The following PDZD2 variants were observed in gnomAD, a reference collection of about 807,000 sequenced individuals.
PDZD2 encodes the protein PDZ domain containing 2.
A neutral mutation model predicts 220.7 loss-of-function variants in PDZD2; 90 were observed. The observed-to-expected ratio is 0.41, with a 90% CI of 0.34 to 0.49. The LOEUF (loss-of-function observed/expected upper bound fraction) is 0.49, where lower values mean the gene tolerates loss of function less well. PDZD2 is among the 20% of genes least tolerant of loss of function. The pLI, the probability that PDZD2 is intolerant of heterozygous loss-of-function variation, is 0.28. For synonymous variants in PDZD2, 1,375 were observed against 1,450.5 expected (o/e 0.95, Z 1.18); for missense variants, 3,174 against 3,608.5 (o/e 0.88, Z 3.08).
Position 31,756,473 on chromosome 5 carries a change from T to A in PDZD2, c.-360-42416T>A, listed in dbSNP as rs1388145301. 1.3e-5 allele frequency among the ~76,000 whole-genome samples: 2 copies of A among 152,198 alleles called. 1 individual carries two copies. The highest frequency in any genetic ancestry group is 2.9e-5 in the Non-Finnish European group (2 of 68,026). ...TGGCAAGACCTCCTAGCAGCACTCA[T>A]CAGCCATGTCCTTGGGCCCACAAGA... On this transcript the variant is annotated intron_variant, in intron 1 of 24. Transcript: ENST00000438447.
intron 5 of PDZD2, among the ~76,000 whole-genome samples, chr5:32,006,908 T>TC (rs1752862216): frequency 3.0e-4 from 3 of 9,932 alleles, no homozygotes; most frequent in African/African-American, 7.1e-4. Context: ...CATGCTGGTC[T>TC]TTTTTTTTTT....
Position 32,087,313 on chromosome 5 carries a change from A to G in PDZD2, c.3865A>G (p.Ser1289Gly). The G allele has an allele frequency of 6.2e-7, 1 of 1,614,142 alleles. No homozygotes were observed. Among genetic ancestry groups the G allele is most frequent in the Non-Finnish European group, 8.5e-7 (1 of 1,179,982 alleles). The change falls in exon 20 of 25, where the codon AGC (serine) becomes GGC (glycine). Residue 1289 changes from serine to glycine, a missense_variant. By Grantham distance (56) the Ser-to-Gly change is moderately conservative. This residue lies in a region of PDZD2 where 1,861 missense variants were observed against 2,001.0 expected (regional missense o/e 0.93). Coordinates refer to ENST00000438447, the MANE Select transcript of PDZD2 (RefSeq NM_178140.4). This position sits in a 1 kb window ranked among gnomAD's most constrained non-coding sequence, Gnocchi z 4.0. ...RSPVRLPHEG[S>G]PSPGEKAAAP... ...TCCAGTCAGGCTCCCCCATGAGGGC[A>G]GCCCCTCCCCGGGGGAGAAAGCAGC...
chr5:31,957,938 G>A (rs1487146116), intron 2 of PDZD2, among the ~76,000 whole-genome samples: 1 of 152,116 alleles, frequency 6.6e-6, no homozygotes, highest in Non-Finnish European at 1.5e-5. Flanking sequence ...ACAAGTCACA[G>A]CTGGAAATCT....
At position 32,087,646 on chromosome 5, in the gene PDZD2, A is replaced by C. The variant is rs1197664527; in HGVS notation, c.4198A>C (p.Thr1400Pro). The C allele has an allele frequency of 1.9e-6, 3 of 1,614,122 alleles. No homozygotes were observed. Among genetic ancestry groups the C allele is most frequent in the Non-Finnish European group, 2.5e-6 (3 of 1,180,014 alleles). Reference protein sequence around the residue: ...PQASLSMLPSTDNTKEACGHV... With the variant: ...PQASLSMLPSPDNTKEACGHV... ...GGCCAGCCTCTCCATGCTGCCATCC[A>C]CTGACAACACCAAAGAAGCATGTGG... The change falls in exon 20 of 25, where the codon ACT (threonine) becomes CCT (proline). Residue 1400 changes from threonine to proline, a missense_variant. Transcript: ENST00000438447. The surrounding 1 kb of genome is among the most constrained non-coding windows in gnomAD (Gnocchi z 4.0).
intron 2 of PDZD2, among the ~76,000 whole-genome samples, chr5:31,926,526 G>GAAAAAA (rs71300157): frequency 1.2e-4 from 10 of 83,978 alleles, no homozygotes; most frequent in Admixed American, 8.0e-4. Flanking sequence ...AACTGCATCT[G>GAAAAAA]AAAAAAAAAA....
intron 1 of PDZD2, among the ~76,000 whole-genome samples, chr5:31,679,263 G>T (rs1746562831): frequency 6.6e-6 from 1 of 152,232 alleles, no homozygotes; most frequent in Non-Finnish European, 1.5e-5. Context: ...GCTTCCTTAT[G>T]GAAAGCAAAA....
chr5:31,691,902 T>A (rs1747148995), intron 1 of PDZD2, among the ~76,000 whole-genome samples: 1 of 152,168 alleles, frequency 6.6e-6, no homozygotes, highest in South Asian at 2.1e-4. Flanking sequence ...TAGCTAGACA[T>A]AAAGGTTCTC....
At chr5:31,791,111 G>C (rs1242935690) in intron 1 of PDZD2, among the ~76,000 whole-genome samples, 1 of 152,092 alleles carries the variant, frequency 6.6e-6, no homozygotes, top group African/African-American at 2.4e-5. Flanking sequence ...CCGGCTAGTA[G>C]GACACCACTT....
chr5:31,668,071 C>T (rs933545885), intron 1 of PDZD2, among the ~76,000 whole-genome samples: 1 of 152,012 alleles, frequency 6.6e-6, no homozygotes, highest in Non-Finnish European at 1.5e-5. Flanking sequence ...CCATATTGGC[C>T]AGGCTGGTCT....
At chr5:31,972,854 A>G (rs1438328621) in intron 2 of PDZD2, among the ~76,000 whole-genome samples, 1 of 152,206 alleles carries the variant, frequency 6.6e-6, no homozygotes, top group African/African-American at 2.4e-5. Context: ...GTTGTGTGGT[A>G]GAGCTGTGTG....
intron 1 of PDZD2, among the ~76,000 whole-genome samples, chr5:31,761,762 G>A (rs371737326): frequency 8.2e-4 from 124 of 151,638 alleles, no homozygotes; most frequent in African/African-American, 2.8e-3. Flanking sequence ...TTGAGAGGCT[G>A]AGACAGGAGA....
At chr5:31,957,970 A>T (rs565286943) in intron 2 of PDZD2, among the ~76,000 whole-genome samples, 1 of 152,342 alleles carries the variant, frequency 6.6e-6, no homozygotes, top group East Asian at 1.9e-4. Flanking sequence ...CCACCTAGAC[A>T]CCAAACATCA....
rs59446159 is a variant in PDZD2 at position 32,059,032 on chromosome 5, T to C, written c.2201-207T>C. ...ACCGTCGGATAATTCAGTCCGTAAC[T>C]AGCTCCCAGGTTAGCCATGGGCTCA... On this transcript the variant is annotated intron_variant, in intron 12 of 24. Transcript: ENST00000438447. Among the ~76,000 whole-genome samples the C allele has an allele frequency of 2.0e-3, 310 of 152,332 alleles. 1 individual carries two copies. Among genetic ancestry groups the C allele is most frequent in the African/African-American group, 7.1e-3 (295 of 41,574 alleles).
At chr5:31,649,870 G>A (rs1745281152) in intron 1 of PDZD2, among the ~76,000 whole-genome samples, 1 of 146,458 alleles carries the variant, frequency 6.8e-6, no homozygotes, top group Non-Finnish European at 1.5e-5. Flanking sequence ...CCCGGGAGGC[G>A]GAGGTTGCAG....
intron 2 of PDZD2, among the ~76,000 whole-genome samples, chr5:31,977,052 C>A (rs1399273373): frequency 6.6e-6 from 1 of 150,536 alleles, no homozygotes; most frequent in Non-Finnish European, 1.5e-5. Context: ...GAGACAGCTT[C>A]CTGCCATGTT....
At chr5:31,908,343 C>G (rs1182915236) in intron 2 of PDZD2, 1 of 279,550 alleles carries the variant, frequency 3.6e-6, no homozygotes, top group African/African-American at 2.2e-5. Context: ...CTCCCTTTAG[C>G]TGCCATCGGC....
At chr5:31,689,819 G>T (rs1167050864) in intron 1 of PDZD2, among the ~76,000 whole-genome samples, 1 of 152,042 alleles carries the variant, frequency 6.6e-6, no homozygotes, top group Non-Finnish European at 1.5e-5. Context: ...CATAATTTCT[G>T]TTCAAAAAGA....
rs140415640 is a variant in PDZD2 at position 32,000,479 on chromosome 5, GTTTGTT to G, written c.1254+248_1254+253del. Among the ~76,000 whole-genome samples, 555 of 150,364 alleles carry G rather than the reference GTTTGTT, an allele frequency of 3.7e-3. 1 individual carries two copies. Among genetic ancestry groups the G allele is most frequent in the African/African-American group, 4.4e-3 (178 of 40,756 alleles). Reference sequence around the variant, plus strand: ...TTAGTTACTTGGCTTTCCTTAAGAAGTTTGTTTTTGTTTTTGTTTTTGTTTTTGTTT... The same window carrying G: ...TTAGTTACTTGGCTTTCCTTAAGAAGTTTGTTTTTGTTTTTGTTTTTGTTT... On this transcript the variant is annotated intron_variant, in intron 5 of 24. Coordinates refer to ENST00000438447, the MANE Select transcript of PDZD2 (RefSeq NM_178140.4). This position sits in a 1 kb window ranked among gnomAD's most constrained non-coding sequence, Gnocchi z 4.5.
chr5:31,713,237 A>G (rs1478028254), intron 1 of PDZD2, among the ~76,000 whole-genome samples: 1 of 152,196 alleles, frequency 6.6e-6, no homozygotes, highest in Non-Finnish European at 1.5e-5. Context: ...CCCTGTTTGC[A>G]GGGCTGGCTT....
Sources: gnomAD v4.1 joint callset for allele counts (sites outside exome capture counted in the v4.1 genomes callset) on GRCh38, gnomAD v4.1.1 for gene constraint, gnomAD v4.1.1 regional missense constraint, Gnocchi (gnomAD v3.1) non-coding constraint, MANE v1.5 for transcripts, NCBI Gene and HGNC (gene_info 2026-07-23, HGNC 2026-07-21) for gene names.